NXPE2: variants seen among roughly 807,000 people sequenced by gnomAD.
The protein encoded by NXPE2 is neurexophilin and PC-esterase domain family member 2, also known as NXPE family member 2.
NXPE2 carries 34 observed loss-of-function variants against 34.4 expected under a neutral mutation model. The observed-to-expected ratio is 0.99, with a 90% confidence interval of 0.75 to 1.31. The LOEUF (loss-of-function observed/expected upper bound fraction) is 1.31, where lower values mean the gene tolerates loss of function less well. Ranked by LOEUF, NXPE2 falls within the 40% of genes most tolerant of loss-of-function variation. The pLI is 0.00. For synonymous variants in NXPE2, 235 were observed against 231.3 expected, an observed-to-expected ratio of 1.02 and a Z score of -0.15; for missense variants, 649 against 672.5, an observed-to-expected ratio of 0.97 and a Z score of 0.39.
chr11:114,570,959 T>C, the NXPE2 span: 1 of 1,597,012 alleles, frequency 6.3e-7, no homozygotes. Flanking sequence ...AGTTTAATAA[T>C]ATATTAATCT....
chr11:114,667,227 C>T, the NXPE2 span, among the ~76,000 whole-genome samples: 1 of 152,060 alleles, frequency 6.6e-6, no homozygotes, highest in African/African-American at 2.4e-5. Context: ...TCTTTCTGAA[C>T]TTTTTAAATT....
chr11:114,571,559 G>A, the NXPE2 span: 1 of 1,199,504 alleles, frequency 8.3e-7, no homozygotes, highest in Non-Finnish European at 1.2e-6. Flanking sequence ...GATTTGATTG[G>A]TATAATTAAA....
chr11:114,693,401 A>G (rs556070088), intron 2 of NXPE2, among the ~76,000 whole-genome samples: 18 of 152,348 alleles, frequency 1.2e-4, no homozygotes, highest in Non-Finnish European at 1.2e-4. Context: ...GCATGTGTCA[A>G]TCTTACCCTA....
At chr11:114,723,259 T>C in the NXPE2 span, among the ~76,000 whole-genome samples, 1 of 152,058 alleles carries the variant, frequency 6.6e-6, no homozygotes, top group Non-Finnish European at 1.5e-5. Flanking sequence ...TCACAAACTA[T>C]ACTGAAAGTT....
chr11:114,508,964 G>A, the NXPE2 span, among the ~76,000 whole-genome samples: 1 of 151,950 alleles, frequency 6.6e-6, no homozygotes, highest in Non-Finnish European at 1.5e-5. Context: ...AACACAGTAA[G>A]CAGACAACCT....
the NXPE2 span, among the ~76,000 whole-genome samples, chr11:114,756,526 A>G: frequency 2.6e-5 from 4 of 152,140 alleles, 1 homozygote; most frequent in Admixed American, 2.6e-4. Flanking sequence ...ATCCTTAAGC[A>G]TAGGTATAAT....
chr11:114,472,699 G>A, the NXPE2 span, among the ~76,000 whole-genome samples: 1 of 152,158 alleles, frequency 6.6e-6, no homozygotes, highest in Non-Finnish European at 1.5e-5. Context: ...TCACATAGTG[G>A]AAGGAAGAAC....
the NXPE2 span, among the ~76,000 whole-genome samples, chr11:114,754,656 G>A: frequency 3.9e-5 from 6 of 152,184 alleles, no homozygotes; most frequent in African/African-American, 1.4e-4. Context: ...TGTGTGGAGG[G>A]TAGGCAGGCC....
chr11:114,548,028 TA>T, the NXPE2 span, among the ~76,000 whole-genome samples: 6 of 151,220 alleles, frequency 4.0e-5, no homozygotes, highest in African/African-American at 9.7e-5. Flanking sequence ...AATACCACAT[TA>T]AAAAAAAGGG....
downstream of NXPE2, among the ~76,000 whole-genome samples, chr11:114,708,083 A>G (rs186827891): frequency 3.0e-3 from 457 of 152,310 alleles, 1 homozygote; most frequent in Non-Finnish European, 5.2e-3. Context: ...ATTTGAAGAC[A>G]TGTGCAGCCC....
chr11:114,538,120 T>A, the NXPE2 span, among the ~76,000 whole-genome samples: 1 of 152,010 alleles, frequency 6.6e-6, no homozygotes, highest in Non-Finnish European at 1.5e-5. Context: ...TCAGAAATAA[T>A]GCCACATATC....
At chr11:114,733,364 A>G in the NXPE2 span, among the ~76,000 whole-genome samples, 2 of 152,182 alleles carry the variant, frequency 1.3e-5, no homozygotes, top group Non-Finnish European at 2.9e-5. Context: ...AAGTGCTGGG[A>G]TTACAGGCGT....
At chr11:114,623,045 T>C in the NXPE2 span, among the ~76,000 whole-genome samples, 1 of 152,122 alleles carries the variant, frequency 6.6e-6, no homozygotes, top group African/African-American at 2.4e-5. Flanking sequence ...ACCCGGTGGA[T>C]AATAAGTGTT....
At chr11:114,650,925 C>T in the NXPE2 span, among the ~76,000 whole-genome samples, 7 of 152,148 alleles carry the variant, frequency 4.6e-5, no homozygotes, top group African/African-American at 1.7e-4. Context: ...GTAATACTGG[C>T]TAACAGAGAT....
the NXPE2 span, among the ~76,000 whole-genome samples, chr11:114,490,619 T>C: frequency 6.6e-6 from 1 of 152,206 alleles, no homozygotes; most frequent in African/African-American, 2.4e-5. Flanking sequence ...CCCTATTTAA[T>C]AAATGGTGCT....
the NXPE2 span, among the ~76,000 whole-genome samples, chr11:114,785,242 G>A: frequency 1.3e-5 from 2 of 152,026 alleles, no homozygotes; most frequent in African/African-American, 4.8e-5. Context: ...AAACCTGGAT[G>A]AGACCTTAGA....
the NXPE2 span, among the ~76,000 whole-genome samples, chr11:114,734,022 G>C: frequency 6.6e-6 from 1 of 152,240 alleles, no homozygotes; most frequent in Non-Finnish European, 1.5e-5. Flanking sequence ...ATGGCAGCAG[G>C]AATTTGTATT....
the NXPE2 span, chr11:114,518,025 TG>T: frequency 1.3e-5 from 2 of 152,592 alleles, no homozygotes; most frequent in South Asian, 2.1e-4. Context: ...TGGCTTCCTG[TG>T]AGGTTGGAGC....
chr11:114,567,842 T>A, the NXPE2 span, among the ~76,000 whole-genome samples: 1 of 152,204 alleles, frequency 6.6e-6, no homozygotes, highest in African/African-American at 2.4e-5. Context: ...TGGACATTTT[T>A]ACAATGTTTT....
Sources: gnomAD v4.1 joint callset for allele counts (sites outside exome capture counted in the v4.1 genomes callset) on GRCh38, gnomAD v4.1.1 for gene constraint, MANE v1.5 for transcripts, NCBI Gene and HGNC (gene_info 2026-07-23, HGNC 2026-07-21) for gene names.